The following RETREG1 variants were observed in gnomAD, a reference collection of about 807,000 sequenced individuals.
RETREG1 encodes the protein family with sequence similarity 134 member B.
In RETREG1, 44 loss-of-function variants were observed where a neutral mutation model predicts 54.8. That is an observed-to-expected ratio of 0.80 (90% CI 0.63 to 1.03). The LOEUF (loss-of-function observed/expected upper bound fraction) is 1.03, where lower values mean the gene tolerates loss of function less well. Among genes scored for constraint, RETREG1 ranks in the 50% least tolerant of loss-of-function variants. The pLI is 0.00. For synonymous variants in RETREG1, 217 were observed against 238.5 expected (o/e 0.91, Z 0.83); for missense variants, 554 against 605.1 (o/e 0.92, Z 0.89).
intron 3 of RETREG1, among the ~76,000 whole-genome samples, chr5:16,495,401 C>T (rs1343438394): frequency 6.6e-6 from 1 of 152,174 alleles, no homozygotes; most frequent in East Asian, 1.9e-4. Flanking sequence ...ATTTCAGAGA[C>T]CATCTAGCAA....
rs1742859620 is a variant in RETREG1 at position 16,594,972 on chromosome 5, G to C, written c.320+21680C>G. Among the ~76,000 whole-genome samples, 1 of 152,194 alleles carries C rather than the reference G, an allele frequency of 6.6e-6. No homozygotes were observed. The highest frequency in any genetic ancestry group is 1.5e-5 in the Non-Finnish European group (1 of 68,044). On this transcript the variant is annotated intron_variant, in intron 1 of 8. Transcript: ENST00000306320. The surrounding 1 kb of genome is among the most constrained non-coding windows in gnomAD (Gnocchi z 4.4). ...TTCCAGACTGCAGTGAATATCCCAAGATATACCCATCCAGGTTACAGAAAC... is the reference window on the plus strand; with the variant it reads ...TTCCAGACTGCAGTGAATATCCCAACATATACCCATCCAGGTTACAGAAAC...
rs545871744 is a variant in RETREG1, at chr5:16,563,853, T to C, written c.458+1910A>G. Among the ~76,000 whole-genome samples, 54 of 152,200 alleles carry C rather than the reference T, an allele frequency of 3.5e-4. 1 individual carries two copies. Among genetic ancestry groups the C allele is most frequent in the Non-Finnish European group, 6.2e-4 (42 of 68,032 alleles). On this transcript the variant is annotated intron_variant, in intron 3 of 8. Coordinates refer to ENST00000306320, the MANE Select transcript of RETREG1 (RefSeq NM_001034850.3). ...ACCTTACTTGTTGGGTTAATTAAGA[T>C]ACTGGAAAAGAAAAGAGGAAACTTT...
At chr5:16,563,284 G>A (rs1478548017) in intron 3 of RETREG1, among the ~76,000 whole-genome samples, 1 of 152,128 alleles carries the variant, frequency 6.6e-6, no homozygotes, top group Non-Finnish European at 1.5e-5. Context: ...TTAAGACAAG[G>A]TCTCGCTCTG....
At chr5:16,565,649 T>C (rs1202792836) in intron 3 of RETREG1, 114 bp downstream of exon 3, 3 of 1,143,970 alleles carry the variant, frequency 2.6e-6, no homozygotes, top group Non-Finnish European at 3.9e-6. Flanking sequence ...GGTAAATTAC[T>C]CTTGGATTTA....
At chr5:16,512,011 AGAC>A (rs1389674110) in intron 3 of RETREG1, among the ~76,000 whole-genome samples, 6 of 152,222 alleles carry the variant, frequency 3.9e-5, no homozygotes, top group Non-Finnish European at 5.9e-5. Flanking sequence ...AGGACAGTAC[AGAC>A]AACAGATCCC....
At chr5:16,539,328 T>A (rs1443294398) in intron 3 of RETREG1, among the ~76,000 whole-genome samples, 2 of 152,112 alleles carry the variant, frequency 1.3e-5, no homozygotes, top group African/African-American at 4.8e-5. Context: ...TAGAATTCAG[T>A]GACTAATCAG....
rs923830469 is a variant in RETREG1, at chr5:16,593,839, G to A, written c.321-21737C>T. ...GACTCATGTGTCCCTATCACCAGAG[G>A]AGCTGCAGCAGATGCACCTCCGTCA... On this transcript the variant is annotated intron_variant, in intron 1 of 8. Transcript: ENST00000306320. The surrounding 1 kb of genome is among the most constrained non-coding windows in gnomAD (Gnocchi z 4.9). 1.4e-4 allele frequency among the ~76,000 whole-genome samples: 21 copies of A among 152,156 alleles called. No individual in the cohort carries two copies. Among genetic ancestry groups the A allele is most frequent in the African/African-American group, 4.6e-4 (19 of 41,420 alleles).
intron 1 of RETREG1, among the ~76,000 whole-genome samples, chr5:16,595,266 G>T (rs572983790): frequency 1.3e-5 from 2 of 152,220 alleles, no homozygotes; most frequent in South Asian, 4.1e-4. Context: ...TCACCAGAAA[G>T]ATCTTTTTTT....
In RETREG1 at chr5:16,483,183, C is replaced by T; in HGVS notation, c.585+163G>A. On this transcript the variant is annotated intron_variant, in intron 4 of 8. Coordinates refer to ENST00000306320, the MANE Select transcript of RETREG1 (RefSeq NM_001034850.3). ...GGCTGAGGATTATCTAGTGTTCGCACACTCACACATCTGAACCTTGCTGAT... is the reference window on the plus strand; with the variant it reads ...GGCTGAGGATTATCTAGTGTTCGCATACTCACACATCTGAACCTTGCTGAT... 6 of 744,204 alleles carry T rather than the reference C, an allele frequency of 8.1e-6. No individual in the cohort carries two copies. In the South Asian group the frequency reaches 1.0e-4, roughly 13 times the overall value. The allele number at this position is 744,204 out of a possible 1,614,324, so 46.1% of individuals were successfully genotyped here.
chr5:16,616,438 C>G, intron 1 of RETREG1: 1 of 865,616 alleles, frequency 1.2e-6, no homozygotes, highest in South Asian at 2.0e-5. Flanking sequence ...GATCCGCACA[C>G]GGAGAACGAC....
intron 1 of RETREG1, among the ~76,000 whole-genome samples, chr5:16,611,890 C>T (rs985716713): frequency 2.0e-5 from 3 of 151,982 alleles, no homozygotes; most frequent in Non-Finnish European, 4.4e-5. Flanking sequence ...TATGGTGAAA[C>T]CCTGTCACCA....
intron 1 of RETREG1, among the ~76,000 whole-genome samples, chr5:16,611,949 C>T (rs1160359341): frequency 6.6e-6 from 1 of 151,788 alleles, no homozygotes; most frequent in Admixed American, 6.6e-5. Flanking sequence ...CCTGTAGTCC[C>T]AGCTACTCGG....
At chr5:16,511,096 T>C (rs1740160558) in intron 3 of RETREG1, among the ~76,000 whole-genome samples, 1 of 152,230 alleles carries the variant, frequency 6.6e-6, no homozygotes, top group Non-Finnish European at 1.5e-5. Context: ...ACAGGAAATA[T>C]TTACCATTAC....
In RETREG1 at chr5:16,512,378, A is replaced by G. The variant is rs566466093; in HGVS notation, c.459-28906T>C. On this transcript the variant is annotated intron_variant, in intron 3 of 8. Coordinates refer to ENST00000306320, the MANE Select transcript of RETREG1 (RefSeq NM_001034850.3). ...ATGCTGCAGAAGCCCAAGGGACCAG[A>G]TACCTCCACATTTTAAATTTTCCTG... Among the ~76,000 whole-genome samples, 5 of 152,282 alleles carry G rather than the reference A, an allele frequency of 3.3e-5. No homozygotes were observed. The South Asian group carries it at 1.0e-3, about 32-fold the overall frequency.
intron 2 of RETREG1, among the ~76,000 whole-genome samples, chr5:16,566,637 G>T (rs1742021664): frequency 6.6e-6 from 1 of 152,150 alleles, no homozygotes; most frequent in Non-Finnish European, 1.5e-5. Flanking sequence ...AGAAATAAGT[G>T]TCTCAAAATT....
At chr5:16,553,716 G>A (rs577515404) in intron 3 of RETREG1, among the ~76,000 whole-genome samples, 8 of 152,118 alleles carry the variant, frequency 5.3e-5, no homozygotes, top group African/African-American at 1.9e-4. Context: ...GGGAGCAACT[G>A]TATCAGTCCT....
chr5:16,474,884 CT>C lies in RETREG1; in HGVS notation c.1350del (p.Glu451LysfsTer82). 6 of 1,613,946 alleles carry C rather than the reference CT, an allele frequency of 3.7e-6. No individual in the cohort carries two copies. The highest frequency in any genetic ancestry group is 5.1e-6 in the Non-Finnish European group (6 of 1,179,942). ...TCAAGTAGTTCAAAGTCATCACCTT[CT>C]TCAGTGTCTGTGTCCTCTTCTGGGA... Reference protein sequence around the residue: ...APIPEEDTDTEEGDDFELLDQ... With the variant: ...APIPEEDTDTXEGDDFELLDQ... On this transcript the variant is annotated frameshift_variant, in exon 9 of 9. Transcript: ENST00000306320. LOFTEE classifies it high-confidence loss of function.
chr5:16,519,914 C>T (rs1424924997), intron 3 of RETREG1, among the ~76,000 whole-genome samples: 3 of 152,226 alleles, frequency 2.0e-5, no homozygotes, highest in African/African-American at 2.4e-5. Flanking sequence ...GCTGGAACCA[C>T]GTCTTTGTCA....
intron 1 of RETREG1, among the ~76,000 whole-genome samples, chr5:16,575,829 G>A (rs256877): frequency 0.036 from 5,457 of 152,246 alleles, 309 homozygotes; most frequent in African/African-American, 0.12. Context: ...TTTGAGAAAC[G>A]AAACCCTAAG....
Sources: allele counts gnomAD v4.1 joint callset (sites outside exome capture counted in the v4.1 genomes callset), GRCh38; gene constraint gnomAD v4.1.1; non-coding constraint Gnocchi (gnomAD v3.1); transcripts MANE v1.5; gene names NCBI Gene and HGNC (gene_info 2026-07-23, HGNC 2026-07-21).